The following RXFP1 variants were observed in gnomAD, a reference collection of about 807,000 sequenced individuals.
RXFP1 encodes the protein relaxin receptor 1.
In RXFP1, 73 loss-of-function variants were observed where a neutral mutation model predicts 89.8. The ratio of observed to expected loss-of-function variants is 0.81; its 90% CI spans 0.67 to 0.99. The LOEUF (loss-of-function observed/expected upper bound fraction) is 0.99. Ranked by LOEUF, RXFP1 falls within the 50% of genes least tolerant of loss-of-function variation. RXFP1 has a pLI of 0.00. For synonymous variants in RXFP1, 277 were observed against 305.5 expected (o/e 0.91, Z 0.97); for missense variants, 793 against 895.5 (o/e 0.89, Z 1.46).
At chr4:158,615,170 G>A (rs751637162) in intron 8 of RXFP1, among the ~76,000 whole-genome samples, 1 of 152,130 alleles carries the variant, frequency 6.6e-6, no homozygotes, top group Non-Finnish European at 1.5e-5. Context: ...GAATAAAAAG[G>A]CCTGAGGAGA....
At chr4:158,588,302 T>A (rs1758699535) in intron 2 of RXFP1, among the ~76,000 whole-genome samples, 1 of 152,172 alleles carries the variant, frequency 6.6e-6, no homozygotes, top group Non-Finnish European at 1.5e-5. Context: ...CGTACTTTAA[T>A]CCAATGATTC....
intron 2 of RXFP1, among the ~76,000 whole-genome samples, chr4:158,581,757 T>C (rs1757399931): frequency 6.6e-6 from 1 of 152,206 alleles, no homozygotes; most frequent in Non-Finnish European, 1.5e-5. Flanking sequence ...AAGTCATGGA[T>C]GTCTGTTTTG....
At chr4:158,568,439 AGTAGCT>A (rs1579686694) in intron 1 of RXFP1, among the ~76,000 whole-genome samples, 1 of 152,252 alleles carries the variant, frequency 6.6e-6, no homozygotes, top group Non-Finnish European at 1.5e-5. Flanking sequence ...ACATCTTCAA[AGTAGCT>A]GTAGCTGGAG....
intron 8 of RXFP1, among the ~76,000 whole-genome samples, chr4:158,613,869 G>C (rs10001153): frequency 0.03 from 4,523 of 152,234 alleles, 196 homozygotes; most frequent in African/African-American, 0.1. Flanking sequence ...CACTATCTGT[G>C]GCATCAGTAG....
chr4:158,554,988 T>C lies in RXFP1; in HGVS notation c.50-17710T>C, dbSNP rs183344933. ...TAAAAAAATAAAGTAAATCTGATGC[T>C]TGGCAGAAAATATTTTAATTAATTT... On this transcript the variant is annotated intron_variant, in intron 1 of 17. Coordinates refer to ENST00000307765, the MANE Select transcript of RXFP1 (RefSeq NM_021634.4). Among the ~76,000 whole-genome samples, 517 of 152,282 alleles carry C rather than the reference T, an allele frequency of 3.4e-3. 1 individual carries two copies. Among genetic ancestry groups the C allele is most frequent in the African/African-American group, 0.012 (487 of 41,562 alleles).
chr4:158,607,184 G>A (rs72963767), intron 5 of RXFP1: 46 of 1,235,534 alleles, frequency 3.7e-5, no homozygotes, highest in Admixed American at 1.4e-4. Flanking sequence ...ATGCAATAGC[G>A]TATACTCTGG....
intron 1 of RXFP1, among the ~76,000 whole-genome samples, chr4:158,562,059 A>G (rs1301600963): frequency 6.6e-6 from 1 of 152,200 alleles, no homozygotes; most frequent in Non-Finnish European, 1.5e-5. Flanking sequence ...TACAACGTAA[A>G]ATCACAAGTT....
chr4:158,648,310 T>C lies in RXFP1; in HGVS notation c.1757-189T>C, dbSNP rs538589633. Among the ~76,000 whole-genome samples the C allele has an allele frequency of 1.3e-3, 203 of 152,318 alleles. 1 individual carries two copies. The highest frequency in any genetic ancestry group is 3.5e-3 in the African/African-American group (145 of 41,580). On this transcript the variant is annotated intron_variant, in intron 16 of 17. Coordinates refer to ENST00000307765, the MANE Select transcript of RXFP1 (RefSeq NM_021634.4). ...TCTTCACTACTTCCACAAAACCTCA[T>C]CTCAAAAAAATTCATGATTTTTGTG...
At chr4:158,543,785 T>C in intron 1 of RXFP1, 3 of 985,214 alleles carry the variant, frequency 3.0e-6, no homozygotes, top group Non-Finnish European at 3.6e-6. Context: ...TAGAATCAAA[T>C]AGTATTACAA....
chr4:158,532,231 G>A (rs28605227), intron 1 of RXFP1, among the ~76,000 whole-genome samples: 6,714 of 152,060 alleles, frequency 0.044, 492 homozygotes, highest in African/African-American at 0.15. Flanking sequence ...TAGGATAATC[G>A]CCTCCAGCTG....
At chr4:158,569,434 CAAT>C (rs1425364659) in intron 1 of RXFP1, among the ~76,000 whole-genome samples, 9 of 152,138 alleles carry the variant, frequency 5.9e-5, no homozygotes, top group East Asian at 1.9e-4. Flanking sequence ...CTTTGACTGA[CAAT>C]GATGTGTCAG....
At chr4:158,630,085 G>C (rs905155898) in intron 11 of RXFP1, among the ~76,000 whole-genome samples, 1 of 152,186 alleles carries the variant, frequency 6.6e-6, no homozygotes, top group African/African-American at 2.4e-5. Flanking sequence ...GGGCACTCAA[G>C]AAGTTACAAT....
intron 8 of RXFP1, among the ~76,000 whole-genome samples, chr4:158,614,717 T>A (rs1245167059): frequency 6.6e-6 from 1 of 152,144 alleles, no homozygotes; most frequent in Non-Finnish European, 1.5e-5. Context: ...TGTCTTACTT[T>A]CCTATCATTT....
intron 3 of RXFP1, 67 bp from the exon 4 acceptor site, chr4:158,599,259 C>G (rs1166951885): frequency 1.2e-6 from 2 of 1,606,074 alleles, no homozygotes; most frequent in Non-Finnish European, 8.5e-7. Flanking sequence ...TCATTTCTTT[C>G]TTTTCATTAC....
In RXFP1 at chr4:158,645,063, A is replaced by G; in HGVS notation, c.1270A>G (p.Ile424Val). The G allele has an allele frequency of 6.2e-7, 1 of 1,614,174 alleles. No homozygotes were observed. The change falls in exon 15 of 18, where the codon ATT (isoleucine) becomes GTT (valine). Residue 424 changes from isoleucine to valine, a missense_variant. Ile to Val is a conservative substitution (Grantham distance 29). Coordinates refer to ENST00000307765, the MANE Select transcript of RXFP1 (RefSeq NM_021634.4). ...VVSAVTCFGN[I>V]FVICMRPYIR... ...ATCTGCAGTTACCTGCTTTGGAAAC[A>G]TTTTTGTCATTTGCATGCGACCTTA...
At chr4:158,585,764 G>T (rs977276333) in intron 2 of RXFP1, among the ~76,000 whole-genome samples, 4 of 152,050 alleles carry the variant, frequency 2.6e-5, no homozygotes, top group African/African-American at 9.7e-5. Flanking sequence ...CTCTCATAAA[G>T]AGATAAAATA....
At chr4:158,559,347 T>C (rs949163428) in intron 1 of RXFP1, among the ~76,000 whole-genome samples, 1 of 152,162 alleles carries the variant, frequency 6.6e-6, no homozygotes, top group African/African-American at 2.4e-5. Flanking sequence ...TTGCAAAAAC[T>C]GATGTACCTT....
At chr4:158,578,990 A>G (rs1756803068) in intron 2 of RXFP1, among the ~76,000 whole-genome samples, 1 of 146,770 alleles carries the variant, frequency 6.8e-6, no homozygotes, top group Admixed American at 6.9e-5. Context: ...GTAAAGAGTG[A>G]CATCATACTA....
At chr4:158,633,338 A>T (rs1768480752) in intron 11 of RXFP1, 67 bp from the exon 12 acceptor site, 1 of 1,040,720 alleles carries the variant, frequency 9.6e-7, no homozygotes, top group Non-Finnish European at 1.5e-6. Flanking sequence ...TGGTTTCCTA[A>T]TGAATTTCAG....
Sources: gnomAD v4.1 joint callset for allele counts (sites outside exome capture counted in the v4.1 genomes callset) on GRCh38, gnomAD v4.1.1 for gene constraint, MANE v1.5 for transcripts, NCBI Gene and HGNC (gene_info 2026-07-23, HGNC 2026-07-21) for gene names.